Variants in FREM3 observed in about 807,000 individuals in gnomAD.
FREM3 encodes FRAS1-related extracellular matrix protein 3.
FREM3 carries 105 observed loss-of-function variants against 129.1 expected under a neutral mutation model. The observed-to-expected ratio is 0.81, with a 90% CI of 0.69 to 0.96. FREM3 has a LOEUF of 0.96. Ranked by LOEUF, FREM3 falls within the 40% of genes least tolerant of loss-of-function variation. FREM3 has a pLI of 0.00. For missense variants in FREM3, 2,593 were observed against 2,666.3 expected, an observed-to-expected ratio of 0.97 and a Z score of 0.61; for synonymous variants, 1,014 against 1,044.9, an observed-to-expected ratio of 0.97 and a Z score of 0.57.
intron 2 of FREM3, among the ~76,000 whole-genome samples, chr4:143,638,988 A>T (rs1198243223): frequency 6.6e-6 from 1 of 152,034 alleles, no homozygotes; most frequent in East Asian, 1.9e-4. Context: ...CCAAAATATT[A>T]ATTTGGTAGT....
At chr4:143,622,323 G>A (rs975331920) in intron 4 of FREM3, among the ~76,000 whole-genome samples, 5 of 151,474 alleles carry the variant, frequency 3.3e-5, no homozygotes, top group Admixed American at 6.6e-5. Context: ...CGAACTCCTG[G>A]ACTCAAGTGA....
rs183228561 is a variant in FREM3 at position 143,699,743 on chromosome 4, G to A, written c.933C>T (p.Ala311=). 3.8e-3 allele frequency: 5,734 copies of A among 1,519,512 alleles called. 13 individuals carry two copies. Among genetic ancestry groups the A allele is most frequent in the Non-Finnish European group, 4.4e-3 (5,037 of 1,136,760 alleles). 94.1% of individuals were successfully genotyped at this position (1,519,512 alleles called of 1,614,324 possible). A position where few individuals can be genotyped will look rare whatever the true frequency, so the allele number is the denominator to read the frequency against. ...GTGGATCCACCTCCATCATCATCGT[G>A]GCCATGAAGCTGGGCCTGGGCGGTG... is the stretch of plus-strand genomic sequence containing the variant. The part of the protein sequence containing the change: ...ENTPPRPSFM[A]TMMMEVDPLV... The change falls in exon 1 of 8, where the codon GCC becomes GCT. Residue 311 remains alanine, a synonymous_variant. Transcript: ENST00000329798. This position sits in a 1 kb window ranked among gnomAD's most constrained non-coding sequence, Gnocchi z 4.2.
At chr4:143,685,648 G>A (rs1740350038) in intron 2 of FREM3, among the ~76,000 whole-genome samples, 1 of 152,182 alleles carries the variant, frequency 6.6e-6, no homozygotes, top group African/African-American at 2.4e-5. Flanking sequence ...CAAAGTGCAC[G>A]ATGACTGCAA....
intron 2 of FREM3, among the ~76,000 whole-genome samples, chr4:143,676,644 C>G (rs1159436322): frequency 6.6e-6 from 1 of 152,128 alleles, no homozygotes; most frequent in Non-Finnish European, 1.5e-5. Flanking sequence ...TAGAAAACCC[C>G]ATTGTCTCAG....
rs1001115037 is a variant in FREM3 at position 143,699,799 on chromosome 4, G to A, written c.877C>T (p.Leu293Phe). 2 of 1,536,206 alleles carry A rather than the reference G, an allele frequency of 1.3e-6. No homozygotes were observed. The highest frequency in any genetic ancestry group is 1.7e-6 in the Non-Finnish European group (2 of 1,146,696). Residue 293 changes from leucine (L) to phenylalanine (F), a missense_variant, in exon 1 of 8, where the codon CTC becomes TTC. Transcript: ENST00000329798. The surrounding 1 kb of genome is among the most constrained non-coding windows in gnomAD (Gnocchi z 4.2). ...GVLVREHFQL[L>F]VRIRGGAENT... ...TCGGCTCCGCCGCGGATCCTCACGA[G>A]CAGCTGGAAGTGCTCGCGGACCAGC...
At position 143,698,253 on chromosome 4, in the gene FREM3, T is replaced by C. The variant is rs1560877892; in HGVS notation, c.2423A>G (p.Asp808Gly). The change falls in exon 1 of 8, where the codon GAT becomes GGT. Residue 808 changes from aspartate to glycine, a missense_variant. Physicochemically the swap from Asp to Gly is moderately conservative, Grantham distance 94. Transcript: ENST00000329798. Reference protein sequence around the residue: ...RVVQFTYQVEDAAGNSVPGTF... With the variant: ...RVVQFTYQVEGAAGNSVPGTF... The stretch of plus-strand genomic sequence containing the variant: ...GCCTGGCACGCTATTGCCTGCAGCA[T>C]CTTCCACCTGGTAAGTAAACTGCAC... 1 of 1,537,540 alleles carries C rather than the reference T, an allele frequency of 6.5e-7. No individual in the cohort carries two copies. The highest frequency in any genetic ancestry group is 8.7e-7 in the Non-Finnish European group (1 of 1,146,976).
At chr4:143,604,350 C>T (rs1052849404) in intron 6 of FREM3, among the ~76,000 whole-genome samples, 1 of 152,122 alleles carries the variant, frequency 6.6e-6, no homozygotes. Context: ...ACTCCATCTC[C>T]TGATTTGTTC....
intron 6 of FREM3, among the ~76,000 whole-genome samples, chr4:143,595,710 A>AC (rs1042948420): frequency 7.9e-5 from 12 of 151,946 alleles, no homozygotes; most frequent in African/African-American, 2.4e-4. Flanking sequence ...ACACGGTGAA[A>AC]CCCCGTCTCT....
chr4:143,674,074 C>T lies in FREM3; in HGVS notation c.5275+19039G>A, dbSNP rs527834800. On this transcript the variant is annotated intron_variant, in intron 2 of 7. Transcript: ENST00000329798. ...CGATGCCTCGCCCTGCTTTGGCTTACGCTTGGTGTGCTGCACCCACTGTCC... is the reference window on the plus strand; with the variant it reads ...CGATGCCTCGCCCTGCTTTGGCTTATGCTTGGTGTGCTGCACCCACTGTCC... Among the ~76,000 whole-genome samples, 339 of 152,298 alleles carry T rather than the reference C, an allele frequency of 2.2e-3. 3 individuals carry two copies. The highest frequency in any genetic ancestry group is 7.3e-3 in the African/African-American group (304 of 41,572).
chr4:143,700,340 C>G lies in FREM3; in HGVS notation c.336G>C (p.Pro112=). ...ALPRLKGALS[P]RRFPCTFGPR... ...GCCCGAAGGTGCAGGGGAAGCGGCG[C>G]GGGGAGAGCGCGCCCTTGAGCCGCG... Residue 112 remains proline (P), a synonymous_variant, in exon 1 of 8, where the codon CCG becomes CCC. Transcript: ENST00000329798. 6.5e-7 allele frequency: 1 copy of G among 1,534,654 alleles called. No homozygotes were observed. The highest frequency in any genetic ancestry group is 1.2e-5 in the South Asian group (1 of 83,924).
At chr4:143,692,001 G>A (rs1740479397) in intron 2 of FREM3, among the ~76,000 whole-genome samples, 1 of 152,170 alleles carries the variant, frequency 6.6e-6, no homozygotes, top group Non-Finnish European at 1.5e-5. Flanking sequence ...CTTTAAGGGA[G>A]AAAATGGATA....
In FREM3 at chr4:143,577,662, G is replaced by A. The variant is rs1457502412; in HGVS notation, c.6369C>T (p.Ile2123=). Residue 2123 remains isoleucine (I), a synonymous_variant, in exon 8 of 8, where the codon ATC becomes ATT. Transcript: ENST00000329798. ...LGEPNKTTIF[I]EDTITDCKQS... ...GCTTACAGTCCGTGATGGTGTCCTCGATGAAAATGGTAGTTTTATTTGGTT... is the reference window on the plus strand; with the variant it reads ...GCTTACAGTCCGTGATGGTGTCCTCAATGAAAATGGTAGTTTTATTTGGTT... The A allele has an allele frequency of 7.8e-6, 12 of 1,537,222 alleles. No homozygotes were observed. Among genetic ancestry groups the A allele is most frequent in the East Asian group, 2.4e-5 (1 of 40,916 alleles).
chr4:143,587,266 C>T (rs188580425), intron 6 of FREM3, among the ~76,000 whole-genome samples: 2 of 152,170 alleles, frequency 1.3e-5, no homozygotes, highest in Admixed American at 1.3e-4. Context: ...TAAAGAGTTG[C>T]CTTCTCTGGG....
At chr4:143,643,693 G>A (rs2149846766) in intron 2 of FREM3, among the ~76,000 whole-genome samples, 1 of 152,112 alleles carries the variant, frequency 6.6e-6, no homozygotes, top group South Asian at 2.1e-4. Context: ...GGAGAGGCTG[G>A]TCAACAGGCA....
In FREM3 at chr4:143,697,453, C is replaced by T. The variant is rs773551897; in HGVS notation, c.3223G>A (p.Gly1075Arg). ...VDNVGPKVFV[G>R]ESFIVYEGEK... is the part of the protein sequence containing the mutation. The stretch of plus-strand genomic sequence containing the variant: ...CCTTCATAGACAATGAAGGACTCCC[C>T]GACGAAGACCTTGGGTCCCACATTG... Residue 1075 changes from glycine to arginine, a missense_variant, in exon 1 of 8, where the codon GGG (glycine) becomes AGG (arginine). By Grantham distance (125) the Gly-to-Arg change is moderately radical (BLOSUM62 -2). Coordinates refer to ENST00000329798, the MANE Select transcript of FREM3 (RefSeq NM_001168235.2). 1.6e-5 allele frequency: 25 copies of T among 1,537,038 alleles called. No individual in the cohort carries two copies. The highest frequency in any genetic ancestry group is 7.1e-5 in the South Asian group (6 of 84,060).
chr4:143,669,095 G>A (rs983219104), intron 2 of FREM3, among the ~76,000 whole-genome samples: 5 of 152,074 alleles, frequency 3.3e-5, no homozygotes, highest in African/African-American at 1.2e-4. Flanking sequence ...AAGTGGCAGT[G>A]GTTTCATTCA....
At chr4:143,590,454 T>C (rs868364063) in intron 6 of FREM3, among the ~76,000 whole-genome samples, 6 of 152,244 alleles carry the variant, frequency 3.9e-5, no homozygotes, top group Admixed American at 1.3e-4. Flanking sequence ...TGAAGCATTG[T>C]TGAATTTTGT....
chr4:143,673,500 C>A (rs1740043139), intron 2 of FREM3, among the ~76,000 whole-genome samples: 1 of 152,218 alleles, frequency 6.6e-6, no homozygotes, highest in Non-Finnish European at 1.5e-5. Context: ...CAGTCTGCCC[C>A]TACTGGGGGG....
At position 143,652,231 on chromosome 4, in the gene FREM3, C is replaced by A. The variant is rs535379787; in HGVS notation, c.5276-24471G>T. Among the ~76,000 whole-genome samples the A allele has an allele frequency of 2.2e-4, 8 of 36,714 alleles. 2 individuals carry two copies. In the South Asian group the frequency reaches 7.5e-3, roughly 34 times the overall value. The allele number at this position is 36,714 out of a possible 152,430, so 24.1% of individuals were successfully genotyped here. A position where few individuals can be genotyped will look rare whatever the true frequency, so the allele number is the denominator to read the frequency against. ...ACTGCGGACTGCAGTGGCGCAATCT[C>A]GGCTCACTGCAAGCTCCGCTTCCCG... is the stretch of plus-strand genomic sequence containing the variant. On this transcript the variant is annotated intron_variant, in intron 2 of 7. Transcript: ENST00000329798.
Sources: allele counts gnomAD v4.1 joint callset (sites outside exome capture counted in the v4.1 genomes callset), GRCh38; gene constraint gnomAD v4.1.1; non-coding constraint Gnocchi (gnomAD v3.1); transcripts MANE v1.5; gene names NCBI Gene and HGNC (gene_info 2026-07-23, HGNC 2026-07-21).